Variants in EXT1 observed in about 807,000 individuals in gnomAD.
EXT1 encodes exostosin glycosyltransferase 1, also known as exostosin-1.
Under a neutral mutation model 82.5 loss-of-function variants are expected in EXT1, and 20 were observed. That is an observed-to-expected ratio of 0.24 (90% CI 0.17 to 0.35). EXT1 has a LOEUF of 0.35. EXT1 is among the 10% of genes least tolerant of loss of function. EXT1 has a pLI of 1.00. For synonymous variants in EXT1, 348 were observed against 350.8 expected (o/e 0.99, Z 0.09); for missense variants, 757 against 936.5 (o/e 0.81, Z 2.50).
chr8:117,897,275 G>A (rs987212478), intron 1 of EXT1, among the ~76,000 whole-genome samples: 1 of 152,168 alleles, frequency 6.6e-6, no homozygotes, highest in South Asian at 2.1e-4. Flanking sequence ...TTGTCCTTCC[G>A]AGTAGATTCA....
intron 1 of EXT1, among the ~76,000 whole-genome samples, chr8:118,082,523 C>A (rs1368103095): frequency 1.3e-5 from 2 of 152,054 alleles, no homozygotes; most frequent in Non-Finnish European, 2.9e-5. Context: ...TACGAATAAA[C>A]CTCCCCCAAA....
intron 1 of EXT1, among the ~76,000 whole-genome samples, chr8:117,866,793 C>CAAAA (rs10709657): frequency 2.1e-4 from 19 of 91,842 alleles, no homozygotes; most frequent in Non-Finnish European, 3.2e-4. Flanking sequence ...CTGGCCTACC[C>CAAAA]AAAAAAAAAA....
At chr8:118,027,803 C>T (rs980513928) in intron 1 of EXT1, among the ~76,000 whole-genome samples, 1 of 152,186 alleles carries the variant, frequency 6.6e-6, no homozygotes, top group Non-Finnish European at 1.5e-5. Flanking sequence ...AAACAACTGG[C>T]AAAATGGCAA....
chr8:117,954,424 G>T (rs1814550541), intron 1 of EXT1, among the ~76,000 whole-genome samples: 1 of 152,070 alleles, frequency 6.6e-6, no homozygotes, highest in Non-Finnish European at 1.5e-5. Context: ...AAACTGGCAT[G>T]CTGAGATGGC....
At chr8:117,806,466 A>G (rs1823238027) in intron 9 of EXT1, among the ~76,000 whole-genome samples, 1 of 152,200 alleles carries the variant, frequency 6.6e-6, no homozygotes, top group African/African-American at 2.4e-5. Context: ...TTAGAGAAAA[A>G]GTCAAGTCCT....
At chr8:117,812,513 T>C (rs1432128153) in intron 8 of EXT1, among the ~76,000 whole-genome samples, 1 of 152,180 alleles carries the variant, frequency 6.6e-6, no homozygotes, top group Non-Finnish European at 1.5e-5. Context: ...CCGGAAAGCA[T>C]GGTTTCAACC....
At chr8:117,849,128 G>C (rs7836010) in intron 1 of EXT1, among the ~76,000 whole-genome samples, 150,226 of 152,312 alleles carry the variant, frequency 0.99, 74,156 homozygotes, top group Non-Finnish European at 1. Context: ...TCTCCAGGAT[G>C]TCTCTCAAGC....
chr8:117,841,093 A>C (rs115815570), intron 1 of EXT1, among the ~76,000 whole-genome samples: 123 of 152,316 alleles, frequency 8.1e-4, no homozygotes, highest in African/African-American at 2.9e-3. Flanking sequence ...ATGGAAACTT[A>C]TTTTCACGCA....
intron 1 of EXT1, among the ~76,000 whole-genome samples, chr8:118,068,750 T>C (rs1004154697): frequency 2.0e-5 from 3 of 152,242 alleles, no homozygotes; most frequent in African/African-American, 4.8e-5. Context: ...ACCTGCCTGA[T>C]AGACAATAAA....
intron 1 of EXT1, among the ~76,000 whole-genome samples, chr8:118,025,741 C>T (rs916348304): frequency 1.3e-5 from 2 of 152,026 alleles, no homozygotes; most frequent in African/African-American, 2.4e-5. Context: ...GTCTTGTTTC[C>T]TTTTTTTCTC....
chr8:117,812,835 A>AGTT (rs766778325), intron 8 of EXT1, 37 bp downstream of exon 8: 1 of 1,571,666 alleles, frequency 6.4e-7, no homozygotes, highest in Admixed American at 1.7e-5. Context: ...GACTGCCTGA[A>AGTT]CAGCCCACCT....
At chr8:117,830,083 T>A in intron 4 of EXT1, 147 bp downstream of exon 4, 1 of 994,388 alleles carries the variant, frequency 1.0e-6, no homozygotes, top group South Asian at 1.4e-5. Flanking sequence ...GCAAAGCAGG[T>A]AAAAGAGGTT....
chr8:118,062,227 T>A (rs1816894642), intron 1 of EXT1, among the ~76,000 whole-genome samples: 1 of 152,206 alleles, frequency 6.6e-6, no homozygotes, highest in South Asian at 2.1e-4. Context: ...CATCGGAACG[T>A]CTGCTAAACT....
intron 1 of EXT1, among the ~76,000 whole-genome samples, chr8:118,088,243 A>G (rs1048552512): frequency 6.6e-6 from 1 of 152,216 alleles, no homozygotes; most frequent in African/African-American, 2.4e-5. Flanking sequence ...AAGTGAGAAA[A>G]CAAAACAAAA....
At chr8:117,826,814 A>C (rs1812015077) in intron 4 of EXT1, among the ~76,000 whole-genome samples, 1 of 152,166 alleles carries the variant, frequency 6.6e-6, no homozygotes, top group Non-Finnish European at 1.5e-5. Context: ...GCTAAAAAAA[A>C]ATAATAATAA....
chr8:118,108,698 T>G (rs1817839678), intron 1 of EXT1, among the ~76,000 whole-genome samples: 1 of 152,176 alleles, frequency 6.6e-6, no homozygotes, highest in South Asian at 2.1e-4. Flanking sequence ...CTCTCTATGA[T>G]CAAGTCTTGG....
At chr8:118,066,700 G>A (rs886089150) in intron 1 of EXT1, among the ~76,000 whole-genome samples, 4 of 152,080 alleles carry the variant, frequency 2.6e-5, no homozygotes, top group African/African-American at 7.2e-5. Context: ...ATAATATATA[G>A]AACAAACAAA....
chr8:117,864,635 G>T (rs1443844202), intron 1 of EXT1, among the ~76,000 whole-genome samples: 2 of 152,100 alleles, frequency 1.3e-5, no homozygotes, highest in Non-Finnish European at 2.9e-5. Context: ...TGCAGTCCCA[G>T]CTACTTGGGA....
In EXT1 at chr8:117,798,750, A is replaced by C. The variant is rs1326510145; in HGVS notation, c.*962T>G. 2.0e-5 allele frequency: 3 copies of C among 152,188 alleles called. No individual in the cohort carries two copies. Among genetic ancestry groups the C allele is most frequent in the Non-Finnish European group, 4.4e-5 (3 of 68,040 alleles). The allele number at this position is 152,188 out of a possible 1,614,324, so 9.4% of individuals were successfully genotyped here. ...TCTGAAACTTGAGATTCTCACAAAC[A>C]TTAAAGAGTTCATCTTGTAAATAAT... On this transcript the variant is annotated 3_prime_UTR_variant, in exon 11 of 11. Transcript: ENST00000378204.
Sources: allele counts gnomAD v4.1 joint callset (sites outside exome capture counted in the v4.1 genomes callset), GRCh38; gene constraint gnomAD v4.1.1; transcripts MANE v1.5; gene names NCBI Gene and HGNC (gene_info 2026-07-23, HGNC 2026-07-21).